MTA3: variants seen among roughly 807,000 people sequenced by gnomAD.
MTA3 encodes the protein metastasis associated 1 family member 3, also known as metastasis-associated protein MTA3.
Under a neutral mutation model 83.5 loss-of-function variants are expected in MTA3, and 34 were observed. That is an observed-to-expected ratio of 0.41 (90% confidence interval 0.31 to 0.54). The LOEUF (loss-of-function observed/expected upper bound fraction) is 0.54. MTA3 is among the 20% of genes least tolerant of loss of function. The pLI is 0.33. For synonymous variants in MTA3, 303 were observed against 252.7 expected, an observed-to-expected ratio of 1.20 and a Z score of -1.89; for missense variants, 761 against 726.4, an observed-to-expected ratio of 1.05 and a Z score of -0.55.
chr2:42,617,212 C>G (rs1685008021), intron 4 of MTA3, among the ~76,000 whole-genome samples: 1 of 152,128 alleles, frequency 6.6e-6, no homozygotes, highest in African/African-American at 2.4e-5. Flanking sequence ...CTCTTCTTGT[C>G]AGAGTATTAG....
chr2:42,741,048 G>T (rs1173877319), intron 16 of MTA3, among the ~76,000 whole-genome samples: 1 of 152,236 alleles, frequency 6.6e-6, no homozygotes, highest in Non-Finnish European at 1.5e-5. Flanking sequence ...AGTGATCTTA[G>T]CTAGATCTAG....
At chr2:42,587,184 C>G (rs1680438040) in intron 3 of MTA3, among the ~76,000 whole-genome samples, 1 of 151,770 alleles carries the variant, frequency 6.6e-6, no homozygotes, top group Non-Finnish European at 1.5e-5. Context: ...CACAGTGAGA[C>G]TCTGTCTCAA....
At chr2:42,531,905 T>C (rs778945264) in intron 2 of MTA3, among the ~76,000 whole-genome samples, 21 of 152,236 alleles carry the variant, frequency 1.4e-4, no homozygotes, top group Admixed American at 2.6e-4. Context: ...TACAGGTGCC[T>C]GCCACCACAC....
chr2:42,756,857 A>G lies in MTA3; in HGVS notation c.*3458A>G. 1 of 985,464 alleles carries G rather than the reference A, an allele frequency of 1.0e-6. No homozygotes were observed. The highest frequency in any genetic ancestry group is 6.1e-5 in the Admixed American group (1 of 16,294). 61.0% of individuals were successfully genotyped at this position (985,464 alleles called of 1,614,324 possible). ...TTCCGCAGGATAATTCGTTCTGAGC[A>G]TGATACCACAGTGTGGATTGTCTGT... On this transcript the variant is annotated 3_prime_UTR_variant, in exon 17 of 17. Coordinates refer to ENST00000405094, the MANE Select transcript of MTA3 (RefSeq NM_001330442.2).
intron 15 of MTA3, among the ~76,000 whole-genome samples, chr2:42,720,340 G>A (rs936800623): frequency 1.3e-5 from 2 of 151,938 alleles, no homozygotes; most frequent in Non-Finnish European, 2.9e-5. Flanking sequence ...CCGCCACCAC[G>A]TCCAGCTAAT....
At chr2:42,662,829 T>A (rs1320350005) in intron 8 of MTA3, among the ~76,000 whole-genome samples, 1 of 151,866 alleles carries the variant, frequency 6.6e-6, no homozygotes, top group Non-Finnish European at 1.5e-5. Flanking sequence ...CTTCCCGGGT[T>A]CAAGTGATTC....
At chr2:42,624,239 A>G (rs1266161170) in intron 4 of MTA3, among the ~76,000 whole-genome samples, 1 of 152,126 alleles carries the variant, frequency 6.6e-6, no homozygotes, top group Non-Finnish European at 1.5e-5. Context: ...ATAATAAAAT[A>G]CAATAATTTT....
At chr2:42,527,393 CCTT>C (rs776149861) in intron 2 of MTA3, among the ~76,000 whole-genome samples, 9 of 152,312 alleles carry the variant, frequency 5.9e-5, no homozygotes, top group Non-Finnish European at 1.0e-4. Context: ...TTGGACCACA[CCTT>C]CTTTTATAGT....
chr2:42,706,771 T>A (rs772385756), intron 12 of MTA3, among the ~76,000 whole-genome samples: 9 of 152,248 alleles, frequency 5.9e-5, no homozygotes, highest in Non-Finnish European at 1.2e-4. Flanking sequence ...CAGCTAGCTG[T>A]TAAATCATCT....
rs1676415009 is a variant in MTA3, at chr2:42,539,298, G to A, written c.-140-31139G>A. Among the ~76,000 whole-genome samples, 3 of 152,156 alleles carry A rather than the reference G, an allele frequency of 2.0e-5. No homozygotes were observed. The South Asian group carries it at 6.2e-4, about 32-fold the overall frequency. On this transcript the variant is annotated intron_variant, in intron 2 of 17. Transcript: ENST00000405592. ...CTTACAGTTCCGCAGGGCTGGGGAG[G>A]CTTCAGGAAACTTACAGTCATGGAA...
At chr2:42,724,082 A>G (rs924694946) in intron 16 of MTA3, among the ~76,000 whole-genome samples, 3 of 152,136 alleles carry the variant, frequency 2.0e-5, no homozygotes, top group Non-Finnish European at 4.4e-5. Flanking sequence ...TTGACACAAT[A>G]TACCTGATGT....
At chr2:42,518,548 A>G (rs1259127261) in intron 2 of MTA3, among the ~76,000 whole-genome samples, 3 of 152,196 alleles carry the variant, frequency 2.0e-5, no homozygotes, top group African/African-American at 4.8e-5. Context: ...AGACTAAATA[A>G]ATAAATGGGA....
chr2:42,518,934 C>G (rs529084996), intron 2 of MTA3, among the ~76,000 whole-genome samples: 4 of 150,010 alleles, frequency 2.7e-5, no homozygotes, highest in South Asian at 2.1e-4. Context: ...TCACTGCACT[C>G]TAGCCTAAGT....
In MTA3 at chr2:42,756,921, G is replaced by A; in HGVS notation, c.*3522G>A. The A allele has an allele frequency of 1.0e-6, 1 of 985,448 alleles. No homozygotes were observed. The highest frequency in any genetic ancestry group is 1.2e-6 in the Non-Finnish European group (1 of 829,970). The allele number at this position is 985,448 out of a possible 1,614,324, so 61.0% of individuals were successfully genotyped here. A position where few individuals can be genotyped will look rare whatever the true frequency, so the allele number is the denominator to read the frequency against. ...CCATCTACTAACCAATTTGTATTGT[G>A]TTTCCAATAAATTCCTGGAAATTTT... On this transcript the variant is annotated 3_prime_UTR_variant, in exon 17 of 17. Coordinates refer to ENST00000405094, the MANE Select transcript of MTA3 (RefSeq NM_001330442.2).
chr2:42,618,662 C>T (rs897910869), intron 4 of MTA3, among the ~76,000 whole-genome samples: 2 of 152,086 alleles, frequency 1.3e-5, no homozygotes, highest in African/African-American at 2.4e-5. Flanking sequence ...GGCTAGAGTG[C>T]AGTGGCGTGA....
chr2:42,669,236 G>GC (rs1055379754), intron 8 of MTA3, among the ~76,000 whole-genome samples: 18 of 151,720 alleles, frequency 1.2e-4, no homozygotes, highest in African/African-American at 2.4e-4. Context: ...AAGCACCCCT[G>GC]CCCCCCTGGC....
At chr2:42,507,740 G>C (rs983597770) in intron 2 of MTA3, among the ~76,000 whole-genome samples, 1 of 151,684 alleles carries the variant, frequency 6.6e-6, no homozygotes, top group Non-Finnish European at 1.5e-5. Flanking sequence ...ACCAGCCTGA[G>C]CAATATAGTG....
intron 2 of MTA3, among the ~76,000 whole-genome samples, chr2:42,551,348 G>C (rs1490614546): frequency 6.6e-6 from 1 of 151,920 alleles, no homozygotes; most frequent in Admixed American, 6.6e-5. Context: ...ACACCACCAT[G>C]CCTGGCTAAG....
At chr2:42,527,884 A>G (rs1255416141) in intron 2 of MTA3, among the ~76,000 whole-genome samples, 6 of 150,940 alleles carry the variant, frequency 4.0e-5, no homozygotes, top group Non-Finnish European at 8.8e-5. Flanking sequence ...TTTGTCCTCC[A>G]TGAGATAGCA....
Sources: allele counts gnomAD v4.1 joint callset (sites outside exome capture counted in the v4.1 genomes callset), GRCh38; gene constraint gnomAD v4.1.1; transcripts MANE v1.5; gene names NCBI Gene and HGNC (gene_info 2026-07-23, HGNC 2026-07-21).